Variants in GPR155 observed in about 807,000 individuals in gnomAD.
GPR155 encodes lysosomal cholesterol signaling protein.
A neutral mutation model predicts 93.1 loss-of-function variants in GPR155; 65 were observed. The observed-to-expected ratio is 0.70, with a 90% CI of 0.57 to 0.86. The LOEUF (loss-of-function observed/expected upper bound fraction) is 0.86, where lower values mean the gene tolerates loss of function less well. Ranked by LOEUF, GPR155 falls within the 40% of genes least tolerant of loss-of-function variation. The probability of loss-of-function intolerance (pLI) is 0.00; values close to 1 mark genes in which losing one functional copy is unlikely to be tolerated. For missense variants in GPR155, 838 were observed against 1,034.8 expected, an observed-to-expected ratio of 0.81 and a Z score of 2.61; for synonymous variants, 319 against 360.1, an observed-to-expected ratio of 0.89 and a Z score of 1.29.
At position 174,436,344 on chromosome 2, in the gene GPR155, A is replaced by C. The variant is rs199593940; in HGVS notation, c.2385T>G (p.Leu795=). Residue 795 remains leucine, a synonymous_variant, in exon 16 of 16, where the codon CTT becomes CTG. Transcript: ENST00000392552. ...TCACAGCTTCACCACGGTCGGAGGC[A>C]AGGCCGACTTCAATTAGCCAGCTCA... ...DLVSWLIEVG[L]ASDRGEAVIY... is the part of the protein sequence containing the mutation. 9 of 1,614,190 alleles carry C rather than the reference A, an allele frequency of 5.6e-6. No homozygotes were observed. In the East Asian group the frequency reaches 1.8e-4, roughly 32 times the overall value.
chr2:174,453,866 G>A (rs752670112), intron 10 of GPR155, 25 bp from the exon 11 acceptor site: 2 of 1,464,038 alleles, frequency 1.4e-6, no homozygotes, highest in Non-Finnish European at 1.9e-6. Flanking sequence ...TAGTATGTGA[G>A]AGTAGAGCCC....
intron 9 of GPR155, among the ~76,000 whole-genome samples, chr2:174,460,689 G>A (rs758426865): frequency 2.0e-5 from 3 of 152,104 alleles, no homozygotes; most frequent in Non-Finnish European, 4.4e-5. Flanking sequence ...ATTTCTCTCC[G>A]ATGTTTTCTT....
chr2:174,470,836 T>C (rs1442831470), intron 3 of GPR155, among the ~76,000 whole-genome samples: 1 of 152,182 alleles, frequency 6.6e-6, no homozygotes, highest in African/African-American at 2.4e-5. Flanking sequence ...ATTTTTGTTT[T>C]TTGCCAAAAG....
At chr2:174,450,163 T>C (rs1687274959) in intron 11 of GPR155, among the ~76,000 whole-genome samples, 1 of 149,858 alleles carries the variant, frequency 6.7e-6, no homozygotes, top group African/African-American at 2.5e-5. Context: ...TGAAATAATG[T>C]CCTTTGCAGC....
At chr2:174,473,735 TTGG>T (rs1688066182) in intron 2 of GPR155, among the ~76,000 whole-genome samples, 1 of 152,206 alleles carries the variant, frequency 6.6e-6, no homozygotes, top group Non-Finnish European at 1.5e-5. Context: ...AATGTGTTTA[TTGG>T]TATCCATGGA....
rs182779233 is a variant in GPR155, at chr2:174,439,240, T to C, written c.2312+658A>G. Among the ~76,000 whole-genome samples the C allele has an allele frequency of 2.0e-3, 310 of 152,302 alleles. 3 individuals carry two copies. The Middle Eastern group carries it at 0.044, about 22-fold the overall frequency. ...TATAGACATAAAAGTATTTGGTTCT[T>C]TATATTTTGTTTTGTTTTCTCTTTT... On this transcript the variant is annotated intron_variant, in intron 15 of 15. Transcript: ENST00000392552.
rs772372361 is a variant in GPR155 at position 174,481,880 on chromosome 2, T to C, written c.77A>G (p.His26Arg). The change falls in exon 2 of 16, where the codon CAT (histidine) becomes CGT (arginine). Residue 26 changes from histidine to arginine, a missense_variant. By Grantham distance (29) the His-to-Arg change is conservative. Transcript: ENST00000392552. ...TGGGTCATTAGTGGAATTAAATCCA[T>C]GCGTTACTGCTGTAGGCAAAGTCTT... ...MTKTLPTAVT[H>R]GFNSTNDPPS... is the part of the protein sequence containing the mutation. 1 of 1,614,116 alleles carries C rather than the reference T, an allele frequency of 6.2e-7. No homozygotes were observed. The highest frequency in any genetic ancestry group is 1.3e-5 in the African/African-American group (1 of 75,062).
intron 11 of GPR155, among the ~76,000 whole-genome samples, chr2:174,447,716 G>A (rs986320204): frequency 1.4e-5 from 2 of 147,104 alleles, no homozygotes; most frequent in Non-Finnish European, 3.0e-5. Context: ...AGTACTGCAT[G>A]TGCTTACTTA....
intron 1 of GPR155, 77 bp from the exon 2 acceptor site, chr2:174,482,064 ATTTG>A (rs2105742102): frequency 1.4e-6 from 1 of 729,640 alleles, no homozygotes; most frequent in East Asian, 2.6e-5. Context: ...GCAAACCTAG[ATTTG>A]TTTACTTATT....
intron 10 of GPR155, among the ~76,000 whole-genome samples, chr2:174,454,155 T>G (rs565435049): frequency 6.6e-6 from 1 of 152,300 alleles, no homozygotes; most frequent in South Asian, 2.1e-4. Flanking sequence ...TTTTGTTTTT[T>G]GAGGTGGAGT....
chr2:174,451,170 T>C (rs1411727515), intron 11 of GPR155, among the ~76,000 whole-genome samples: 1 of 151,904 alleles, frequency 6.6e-6, no homozygotes, highest in Non-Finnish European at 1.5e-5. Context: ...AAAAATTAGC[T>C]GGGTGTGGTG....
chr2:174,469,826 A>G (rs1469311747), intron 4 of GPR155, among the ~76,000 whole-genome samples: 1 of 152,238 alleles, frequency 6.6e-6, no homozygotes, highest in Non-Finnish European at 1.5e-5. Flanking sequence ...ATTATGTTAC[A>G]TGATGCCTAT....
intron 14 of GPR155, among the ~76,000 whole-genome samples, chr2:174,441,838 G>C (rs1686972297): frequency 2.0e-5 from 3 of 151,910 alleles, no homozygotes; most frequent in Non-Finnish European, 4.4e-5. Flanking sequence ...TGCCTCCCAG[G>C]TTCAAGCCAT....
intron 11 of GPR155, among the ~76,000 whole-genome samples, chr2:174,451,285 G>C (rs565843858): frequency 6.6e-5 from 10 of 151,028 alleles, no homozygotes; most frequent in Non-Finnish European, 1.5e-4. Context: ...CTGCACTCTA[G>C]CCTGGATGAC....
At chr2:174,460,474 G>A (rs930520809) in intron 9 of GPR155, among the ~76,000 whole-genome samples, 2 of 151,968 alleles carry the variant, frequency 1.3e-5, no homozygotes, top group African/African-American at 2.4e-5. Context: ...CTTAGGGCAC[G>A]TTTTTGATGG....
intron 15 of GPR155, among the ~76,000 whole-genome samples, chr2:174,438,210 G>C (rs918110246): frequency 5.3e-5 from 8 of 152,014 alleles, no homozygotes; most frequent in African/African-American, 1.9e-4. Flanking sequence ...ACTCCAGCCT[G>C]GGCGATGGGA....
intron 12 of GPR155, among the ~76,000 whole-genome samples, chr2:174,445,795 G>A (rs1314022075): frequency 6.6e-6 from 1 of 152,038 alleles, no homozygotes; most frequent in African/African-American, 2.4e-5. Flanking sequence ...TCTCTATTTT[G>A]TAAGGGTCTA....
chr2:174,478,116 G>A (rs994611117), intron 2 of GPR155, among the ~76,000 whole-genome samples: 5 of 152,200 alleles, frequency 3.3e-5, no homozygotes, highest in Non-Finnish European at 7.3e-5. Context: ...GACAGGCAGG[G>A]AACCATTCTG....
intron 2 of GPR155, among the ~76,000 whole-genome samples, chr2:174,480,650 T>C (rs1688291779): frequency 6.6e-6 from 1 of 151,710 alleles, no homozygotes; most frequent in Non-Finnish European, 1.5e-5. Context: ...GCTGAAAGAG[T>C]CAGAAACATA....
Sources: gnomAD v4.1 joint callset for allele counts (sites outside exome capture counted in the v4.1 genomes callset) on GRCh38, gnomAD v4.1.1 for gene constraint, MANE v1.5 for transcripts, NCBI Gene and HGNC (gene_info 2026-07-23, HGNC 2026-07-21) for gene names.